Variants in AQR observed in about 807,000 individuals in gnomAD.
AQR encodes aquarius intron-binding spliceosomal factor.
In AQR, 61 loss-of-function variants were observed where a neutral mutation model predicts 180.5. The ratio of observed to expected loss-of-function variants is 0.34; its 90% CI spans 0.28 to 0.42. AQR has a LOEUF of 0.42. AQR is among the 10% of genes least tolerant of loss of function. AQR has a pLI of 1.00. For synonymous variants in AQR, 551 were observed against 588.8 expected (o/e 0.94, Z 0.93); for missense variants, 1,281 against 1,798.3 (o/e 0.71, Z 5.20).
intron 12 of AQR, among the ~76,000 whole-genome samples, chr15:34,928,748 C>A (rs990529882): frequency 6.6e-6 from 1 of 152,130 alleles, no homozygotes; most frequent in Non-Finnish European, 1.5e-5. Flanking sequence ...GTTCTAGATC[C>A]TTGAGGGATT....
intron 24 of AQR, among the ~76,000 whole-genome samples, chr15:34,888,317 A>C (rs1893092915): frequency 6.6e-6 from 1 of 151,534 alleles, no homozygotes; most frequent in Non-Finnish European, 1.5e-5. Flanking sequence ...ATAAATAAAT[A>C]AATAAAAGCA....
intron 13 of AQR, among the ~76,000 whole-genome samples, chr15:34,925,950 C>T (rs1049086964): frequency 1.3e-5 from 2 of 152,098 alleles, no homozygotes; most frequent in Non-Finnish European, 2.9e-5. Flanking sequence ...GGGCAGATCA[C>T]GAGGTCAGAG....
chr15:34,954,071 C>T (rs1894272079), intron 3 of AQR, among the ~76,000 whole-genome samples: 1 of 152,072 alleles, frequency 6.6e-6, no homozygotes, highest in Non-Finnish European at 1.5e-5. Context: ...CGTGCCACCA[C>T]ACCTGGCAAA....
At chr15:34,957,641 C>A (rs563236653) in intron 3 of AQR, among the ~76,000 whole-genome samples, 3 of 149,280 alleles carry the variant, frequency 2.0e-5, no homozygotes, top group African/African-American at 7.4e-5. Context: ...GTGGAGGTTG[C>A]GGTGAGCCGA....
chr15:34,874,619 T>C (rs965403789), intron 29 of AQR, 58 bp downstream of exon 29: 8 of 1,591,134 alleles, frequency 5.0e-6, no homozygotes, highest in East Asian at 4.5e-5. Context: ...TCACAAATAC[T>C]TGGATCATGG....
chr15:34,938,933 G>A, intron 8 of AQR, 120 bp from the exon 9 acceptor site: 1 of 675,844 alleles, frequency 1.5e-6, no homozygotes, highest in Non-Finnish European at 2.5e-6. Flanking sequence ...TGTGAAGCTG[G>A]GACTATAACT....
At chr15:34,866,313 T>C (rs1892737685) in intron 32 of AQR, among the ~76,000 whole-genome samples, 1 of 152,090 alleles carries the variant, frequency 6.6e-6, no homozygotes, top group Admixed American at 6.6e-5. Context: ...CTATCCCCCA[T>C]GAAGAAGTTG....
chr15:34,877,931 T>C lies in AQR; in HGVS notation c.3166-1925A>G, dbSNP rs560153533. 1.8e-4 allele frequency among the ~76,000 whole-genome samples: 27 copies of C among 152,308 alleles called. No individual in the cohort carries two copies. In the East Asian group the frequency reaches 4.1e-3, roughly 23 times the overall value. ...CCACCGTTACCAGTTCCACGGTTCT[T>C]TAATGGATTATAGCTGCTAGGATAG... On this transcript the variant is annotated intron_variant, in intron 27 of 34. Coordinates refer to ENST00000156471, the MANE Select transcript of AQR (RefSeq NM_014691.3).
intron 31 of AQR, 59 bp downstream of exon 31, chr15:34,870,693 A>C (rs560339614): frequency 6.7e-7 from 1 of 1,481,934 alleles, no homozygotes; most frequent in African/African-American, 1.4e-5. Flanking sequence ...AGAACAATAT[A>C]AACCTTTCCA....
chr15:34,932,110 C>T (rs974680370), intron 11 of AQR, among the ~76,000 whole-genome samples: 2 of 152,038 alleles, frequency 1.3e-5, no homozygotes, highest in African/African-American at 4.8e-5. Context: ...ATAATTTAGT[C>T]CAATAATAAA....
chr15:34,858,320 C>A (rs1266382971), intron 34 of AQR, among the ~76,000 whole-genome samples: 40 of 86,040 alleles, frequency 4.6e-4, no homozygotes, highest in African/African-American at 9.5e-4. Flanking sequence ...ACGACAGCAG[C>A]AAAAAAAAAA....
At chr15:34,969,312 T>C (rs2050331069) in intron 1 of AQR, among the ~76,000 whole-genome samples, 1 of 152,210 alleles carries the variant, frequency 6.6e-6, no homozygotes, top group Admixed American at 6.5e-5. Context: ...CTGTCTTCCT[T>C]GGGCCATGAA....
At chr15:34,918,912 AC>A (rs138823152) in intron 14 of AQR, among the ~76,000 whole-genome samples, 11,049 of 152,274 alleles carry the variant, frequency 0.073, 457 homozygotes, top group African/African-American at 0.092. Context: ...ACCTCTGTGT[AC>A]CCTTAATATT....
chr15:34,926,997 T>C (rs1893774553), intron 13 of AQR, 38 bp downstream of exon 13: 3 of 1,285,758 alleles, frequency 2.3e-6, no homozygotes, highest in Non-Finnish European at 3.2e-6. Flanking sequence ...GGGAGCATGA[T>C]ACAAAAAAAG....
intron 17 of AQR, 134 bp from the exon 18 acceptor site, chr15:34,906,846 G>A (rs1030208205): frequency 7.9e-6 from 6 of 757,222 alleles, no homozygotes; most frequent in Admixed American, 3.0e-5. Flanking sequence ...GATTATTATC[G>A]CATTGTAACA....
intron 33 of AQR, 136 bp from the exon 34 acceptor site, chr15:34,860,291 A>T (rs1892651120): frequency 2.4e-6 from 1 of 410,560 alleles, no homozygotes; most frequent in African/African-American, 2.0e-5. Context: ...GAGGACATAA[A>T]ATGCAAGTGT....
intron 17 of AQR, among the ~76,000 whole-genome samples, chr15:34,909,778 T>C (rs1272950316): frequency 6.6e-6 from 1 of 152,236 alleles, no homozygotes; most frequent in Non-Finnish European, 1.5e-5. Flanking sequence ...TGGTGAACAC[T>C]AATATTTTTA....
At chr15:34,863,238 C>T (rs1181108296) in intron 32 of AQR, 197 bp from the exon 33 acceptor site, 2 of 492,508 alleles carry the variant, frequency 4.1e-6, no homozygotes, top group Non-Finnish European at 7.0e-6. Flanking sequence ...TTATTACTAA[C>T]CTCTTGTTGG....
chr15:34,926,130 T>G (rs1052438084), intron 13 of AQR, among the ~76,000 whole-genome samples: 28 of 152,128 alleles, frequency 1.8e-4, no homozygotes, highest in African/African-American at 6.5e-4. Context: ...CAGTCTGGCC[T>G]GGGCGAAAGA....
Sources: gnomAD v4.1 joint callset for allele counts (sites outside exome capture counted in the v4.1 genomes callset) on GRCh38, gnomAD v4.1.1 for gene constraint, MANE v1.5 for transcripts, NCBI Gene and HGNC (gene_info 2026-07-23, HGNC 2026-07-21) for gene names.